The following PLCB4 variants were observed in gnomAD, a reference collection of about 807,000 sequenced individuals.
PLCB4 encodes phospholipase C beta 4.
Under a neutral mutation model 178.8 loss-of-function variants are expected in PLCB4, and 77 were observed. The observed-to-expected ratio is 0.43, with a 90% CI of 0.36 to 0.52. The LOEUF is 0.52. Ranked by LOEUF, PLCB4 falls within the 20% of genes least tolerant of loss-of-function variation. The probability of loss-of-function intolerance (pLI) is 0.00; values close to 1 mark genes in which losing one functional copy is unlikely to be tolerated. For synonymous variants in PLCB4, 496 were observed against 490.8 expected, an observed-to-expected ratio of 1.01 and a Z score of -0.14; for missense variants, 1,024 against 1,453.4, an observed-to-expected ratio of 0.70 and a Z score of 4.80.
At chr20:9,146,184 A>G (rs1275376096) in intron 2 of PLCB4, among the ~76,000 whole-genome samples, 1 of 152,114 alleles carries the variant, frequency 6.6e-6, no homozygotes, top group Non-Finnish European at 1.5e-5. Context: ...CAAAACTACA[A>G]TTCTTGAAGA....
chr20:9,136,950 G>A (rs1289032724), intron 2 of PLCB4, among the ~76,000 whole-genome samples: 1 of 152,090 alleles, frequency 6.6e-6, no homozygotes, highest in Non-Finnish European at 1.5e-5. Flanking sequence ...GGCAGTGGGA[G>A]CTTCTAGAGG....
intron 3 of PLCB4, among the ~76,000 whole-genome samples, chr20:9,236,261 C>G (rs1177952501): frequency 1.3e-5 from 2 of 152,206 alleles, no homozygotes; most frequent in Non-Finnish European, 2.9e-5. Context: ...AGTGCTTCCT[C>G]CAAGGCCTGA....
At chr20:9,165,289 A>G (rs978620552) in intron 2 of PLCB4, among the ~76,000 whole-genome samples, 2 of 152,218 alleles carry the variant, frequency 1.3e-5, no homozygotes, top group African/African-American at 4.8e-5. Flanking sequence ...TCCATTCGCT[A>G]TACTTTCATT....
chr20:9,422,713 T>C (rs1325547343), intron 27 of PLCB4, among the ~76,000 whole-genome samples: 2 of 152,210 alleles, frequency 1.3e-5, no homozygotes, highest in African/African-American at 2.4e-5. Context: ...TGCTAGCAAG[T>C]GCTTTAAAAA....
At chr20:9,187,924 A>C (rs914631985) in intron 2 of PLCB4, among the ~76,000 whole-genome samples, 1 of 152,178 alleles carries the variant, frequency 6.6e-6, no homozygotes, top group African/African-American at 2.4e-5. Flanking sequence ...TCTCAGTTTT[A>C]ATACAAAATG....
intron 2 of PLCB4, among the ~76,000 whole-genome samples, chr20:9,110,519 G>A (rs1288780616): frequency 6.6e-6 from 1 of 152,176 alleles, no homozygotes; most frequent in Non-Finnish European, 1.5e-5. Context: ...GCATCTGAGA[G>A]AATAAACAGG....
chr20:9,226,545 A>G (rs1164791234), intron 3 of PLCB4, among the ~76,000 whole-genome samples: 1 of 152,160 alleles, frequency 6.6e-6, no homozygotes, highest in African/African-American at 2.4e-5. Flanking sequence ...GCACAGTATT[A>G]CCTTTTTCAT....
intron 19 of PLCB4, among the ~76,000 whole-genome samples, chr20:9,396,652 A>G (rs1283024361): frequency 6.6e-6 from 1 of 152,238 alleles, no homozygotes; most frequent in Non-Finnish European, 1.5e-5. Context: ...CCTTGGATTT[A>G]TATACAGGCA....
chr20:9,227,091 C>A (rs1247396716), intron 3 of PLCB4, among the ~76,000 whole-genome samples: 1 of 151,882 alleles, frequency 6.6e-6, no homozygotes, highest in African/African-American at 2.4e-5. Flanking sequence ...CACTTGCTTG[C>A]TGATCATTTA....
intron 2 of PLCB4, among the ~76,000 whole-genome samples, chr20:9,182,396 C>T (rs527668748): frequency 2.9e-4 from 44 of 152,226 alleles, no homozygotes; most frequent in African/African-American, 7.9e-4. Context: ...GAAGTGTCTA[C>T]GGGAGGCATG....
At chr20:9,120,206 G>A (rs1159266615) in intron 2 of PLCB4, among the ~76,000 whole-genome samples, 1 of 152,172 alleles carries the variant, frequency 6.6e-6, no homozygotes, top group African/African-American at 2.4e-5. Flanking sequence ...AGTGCCTACT[G>A]TGTGCAGCCT....
chr20:9,358,959 T>C (rs1047780635), intron 7 of PLCB4, among the ~76,000 whole-genome samples: 1 of 152,194 alleles, frequency 6.6e-6, no homozygotes, highest in Non-Finnish European at 1.5e-5. Flanking sequence ...CAATTCTTAA[T>C]ATACGTCATG....
At chr20:9,366,254 C>T (rs1471388484) in intron 9 of PLCB4, among the ~76,000 whole-genome samples, 3 of 151,582 alleles carry the variant, frequency 2.0e-5, no homozygotes, top group East Asian at 1.9e-4. Flanking sequence ...AAAAATTAGC[C>T]GGGTGTGGTG....
intron 3 of PLCB4, among the ~76,000 whole-genome samples, chr20:9,238,561 G>C (rs2094020175): frequency 6.6e-6 from 1 of 152,150 alleles, no homozygotes; most frequent in South Asian, 2.1e-4. Context: ...CACCTTTCTG[G>C]GTGGCTGCTG....
rs3037097 is a variant in PLCB4 at position 9,473,254 on chromosome 20, ATTT to A, written c.3409-7_3409-5del. The A allele has an allele frequency of 0.036, 41,836 of 1,172,664 alleles. 2 individuals are homozygous for A. Among genetic ancestry groups the A allele is most frequent in the East Asian group, 0.086 (2,980 of 34,562 alleles). The allele number at this position is 1,172,664 out of a possible 1,614,324, so 72.6% of individuals were successfully genotyped here. ...GATTGTAACCCAAAGTTCAATCAGA[ATTT>A]TTTTTTTTTTTTTTTTTGCAGCTTG... is the stretch of plus-strand genomic sequence containing the variant. On this transcript the variant is annotated intron_variant, in intron 37 of 39. Transcript: ENST00000378473.
chr20:9,425,437 G>A (rs1222819243), intron 28 of PLCB4, among the ~76,000 whole-genome samples: 12 of 152,220 alleles, frequency 7.9e-5, no homozygotes, highest in Admixed American at 5.9e-4. Context: ...TAAGCCACTC[G>A]AATAGAAAAG....
intron 27 of PLCB4, among the ~76,000 whole-genome samples, chr20:9,422,679 C>CAG (rs2040725304): frequency 6.6e-6 from 1 of 152,218 alleles, no homozygotes; most frequent in African/African-American, 2.4e-5. Flanking sequence ...CTCTGTTCTT[C>CAG]AGAAGTTAAA....
intron 3 of PLCB4, among the ~76,000 whole-genome samples, chr20:9,284,365 T>C (rs2094519264): frequency 6.6e-6 from 1 of 151,890 alleles, no homozygotes; most frequent in Non-Finnish European, 1.5e-5. Context: ...CAGGAGGAAG[T>C]CCATGTGGTT....
Position 9,133,581 on chromosome 20 carries a change from A to G in PLCB4, c.-79+37239A>G, listed in dbSNP as rs75479045. Among the ~76,000 whole-genome samples the G allele has an allele frequency of 7.7e-3, 1,168 of 152,242 alleles. 9 individuals are homozygous for G. The highest frequency in any genetic ancestry group is 0.011 in the Non-Finnish European group (753 of 68,004). The stretch of plus-strand genomic sequence containing the variant: ...CACACCCAGTCTGCAATTACTTTTT[A>G]AAATCTGTTGTCCCTACAAGCTTGT... On this transcript the variant is annotated intron_variant, in intron 2 of 39. Transcript: ENST00000378473.
Sources: allele counts gnomAD v4.1 joint callset (sites outside exome capture counted in the v4.1 genomes callset), GRCh38; gene constraint gnomAD v4.1.1; transcripts MANE v1.5; gene names NCBI Gene and HGNC (gene_info 2026-07-23, HGNC 2026-07-21).